Variants in ITGAM observed in about 807,000 individuals in gnomAD.
The protein encoded by ITGAM is integrin alpha-M.
A neutral mutation model predicts 137.5 loss-of-function variants in ITGAM; 79 were observed. The ratio of observed to expected loss-of-function variants is 0.57; its 90% CI spans 0.48 to 0.69. ITGAM has a LOEUF of 0.69. ITGAM is among the 30% of genes least tolerant of loss of function. The probability of loss-of-function intolerance (pLI) is 0.00; values close to 1 mark genes in which losing one functional copy is unlikely to be tolerated. For synonymous variants in ITGAM, 583 were observed against 592.3 expected, an observed-to-expected ratio of 0.98 and a Z score of 0.23; for missense variants, 1,343 against 1,483.5, an observed-to-expected ratio of 0.91 and a Z score of 1.56.
intron 7 of ITGAM, among the ~76,000 whole-genome samples, chr16:31,272,457 ATATATATTTT>A (rs2079859273): frequency 8.9e-5 from 1 of 11,244 alleles, no homozygotes; most frequent in East Asian, 1.4e-3. Context: ...ATATATATAT[ATATATATTTT>A]TTTTTTTTTT....
intron 2 of ITGAM, among the ~76,000 whole-genome samples, chr16:31,262,390 T>TCCTTCCTTCCTTCCTTCCTTCCTG (rs1567244025): frequency 3.5e-5 from 5 of 141,532 alleles, no homozygotes; most frequent in African/African-American, 1.4e-4. Flanking sequence ...CTTCCTTCCT[T>TCCTTCCTTCCTTCCTTCCTTCCTG]CCTTCCTTCC....
At chr16:31,262,320 TC>T (rs1363619253) in intron 2 of ITGAM, among the ~76,000 whole-genome samples, 16 of 132,864 alleles carry the variant, frequency 1.2e-4, no homozygotes, top group African/African-American at 4.3e-4. Context: ...CCTCCTTCCC[TC>T]CCTTCCCTCC....
chr16:31,283,597 G>C (rs565050980), intron 12 of ITGAM, among the ~76,000 whole-genome samples: 1 of 152,280 alleles, frequency 6.6e-6, no homozygotes, highest in African/African-American at 2.4e-5. Flanking sequence ...TCTCTATGCT[G>C]TTTATTCTAG....
chr16:31,265,693 G>C (rs2079757989), intron 3 of ITGAM, 118 bp from the exon 4 acceptor site: 1 of 881,874 alleles, frequency 1.1e-6, no homozygotes, highest in African/African-American at 1.7e-5. Flanking sequence ...CAAGATTTAG[G>C]ATCCCCCTTC....
At chr16:31,299,483 AT>A (rs1567266298) in intron 14 of ITGAM, among the ~76,000 whole-genome samples, 1 of 151,448 alleles carries the variant, frequency 6.6e-6, no homozygotes, top group African/African-American at 2.4e-5. Flanking sequence ...TAATTTTTGT[AT>A]TTTTTGTAGA....
In ITGAM at chr16:31,329,085, C is replaced by T; in HGVS notation, c.2793-143C>T. 6.6e-6 allele frequency: 4 copies of T among 604,872 alleles called. 1 individual carries two copies. In the East Asian group the frequency reaches 1.2e-4, roughly 18 times the overall value. The allele number at this position is 604,872 out of a possible 1,614,324, so 37.5% of individuals were successfully genotyped here. A position where few individuals can be genotyped will look rare whatever the true frequency, so the allele number is the denominator to read the frequency against. Reference sequence around the variant, plus strand: ...AGCACACATTGGTTCCCCCATCCCCCTGCACCCCACCCCATCTCCACCCCC... The same window carrying T: ...AGCACACATTGGTTCCCCCATCCCCTTGCACCCCACCCCATCTCCACCCCC... On this transcript the variant is annotated intron_variant, in intron 23 of 29. Transcript: ENST00000544665.
At position 31,270,128 on chromosome 16, in the gene ITGAM, TCC is replaced by T. The variant is rs1373081983; in HGVS notation, c.428-825_428-824del. Among the ~76,000 whole-genome samples the T allele has an allele frequency of 4.3e-4, 42 of 96,654 alleles. No homozygotes were observed. In the South Asian group the frequency reaches 0.013, roughly 31 times the overall value. 63.4% of individuals were successfully genotyped at this position (96,654 alleles called of 152,430 possible). A position where few individuals can be genotyped will look rare whatever the true frequency, so the allele number is the denominator to read the frequency against. ...ATCCTTCCTTCCTTCCTTCCTTCCT[TCC>T]TCCTTTGCTTTCCTTTCCTTTCCTT... is the stretch of plus-strand genomic sequence containing the variant. On this transcript the variant is annotated intron_variant, in intron 5 of 29. Transcript: ENST00000544665.
chr16:31,260,020 G>C lies in ITGAM; in HGVS notation c.-45G>C, dbSNP rs1261928766. ...TCCTTGTGGTTCCTCAGTGGTGCCT[G>C]CAACCCCTGGTTCACCTCCTTCCAG... is the stretch of plus-strand genomic sequence containing the variant. On this transcript the variant is annotated 5_prime_UTR_variant, in exon 1 of 30. Transcript: ENST00000544665. The C allele has an allele frequency of 6.9e-7, 1 of 1,451,584 alleles. No homozygotes were observed. The allele number at this position is 1,451,584 out of a possible 1,614,324, so 89.9% of individuals were successfully genotyped here.
At chr16:31,328,256 A>G in intron 23 of ITGAM, 26 bp downstream of exon 23, 1 of 1,568,284 alleles carries the variant, frequency 6.4e-7, no homozygotes, top group South Asian at 1.1e-5. Flanking sequence ...ACTTTAGCTG[A>G]GCCTCCACTT....
chr16:31,320,313 C>G (rs2080435881), intron 14 of ITGAM, among the ~76,000 whole-genome samples: 1 of 152,160 alleles, frequency 6.6e-6, no homozygotes, highest in African/African-American at 2.4e-5. Context: ...TATCCAGTAA[C>G]ATAATTTTAG....
intron 13 of ITGAM, 26 bp downstream of exon 13, chr16:31,297,680 G>C (rs1248663144): frequency 6.2e-7 from 1 of 1,606,610 alleles, no homozygotes; most frequent in East Asian, 2.2e-5. Context: ...ACCTGGGCTG[G>C]GTGGGGCCCG....
intron 14 of ITGAM, among the ~76,000 whole-genome samples, chr16:31,302,951 TC>T (rs2080227328): frequency 7.7e-6 from 1 of 130,208 alleles, no homozygotes; most frequent in Non-Finnish European, 1.6e-5. Flanking sequence ...TTTCTTTCTT[TC>T]TTTCTTTCTT....
At chr16:31,289,907 C>A (rs1307024260) in intron 12 of ITGAM, among the ~76,000 whole-genome samples, 7 of 151,742 alleles carry the variant, frequency 4.6e-5, no homozygotes, top group Non-Finnish European at 1.0e-4. Context: ...CATGGAGAAA[C>A]CCTGTCGTTA....
In ITGAM at chr16:31,331,841, G is replaced by A. The variant is rs1174487878; in HGVS notation, c.*134G>A. 1.5e-6 allele frequency: 1 copy of A among 664,118 alleles called. No homozygotes were observed. Among genetic ancestry groups the A allele is most frequent in the East Asian group, 2.8e-5 (1 of 35,622 alleles). 41.1% of individuals were successfully genotyped at this position (664,118 alleles called of 1,614,324 possible). ...GACGGGCTTGGGCTTCCATTTGTGT[G>A]TGTGCAAGTGTGTATGTGCGTGTGT... is the stretch of plus-strand genomic sequence containing the variant. On this transcript the variant is annotated 3_prime_UTR_variant, in exon 30 of 30. Coordinates refer to ENST00000544665, the MANE Select transcript of ITGAM (RefSeq NM_000632.4).
In ITGAM at chr16:31,324,424, T is replaced by C. The variant is rs1597037342; in HGVS notation, c.2028T>C (p.Tyr676=). The part of the protein sequence containing the change: ...REGQIQSVVT[Y]DLALDSGRPH... ...GACAGATCCAGAGTGTTGTGACTTA[T>C]GACCTGGCTCTGGACTCCGGCCGCC... Residue 676 remains tyrosine (Y), a synonymous_variant, in exon 17 of 30, where the codon TAT becomes TAC. Transcript: ENST00000544665. This position sits in a 1 kb window ranked among gnomAD's most constrained non-coding sequence, Gnocchi z 4.5. 3.2e-6 allele frequency: 5 copies of C among 1,552,676 alleles called. No homozygotes were observed. Among genetic ancestry groups the C allele is most frequent in the Admixed American group, 2.0e-5 (1 of 51,030 alleles).
chr16:31,272,942 C>T (rs572483518), intron 7 of ITGAM, among the ~76,000 whole-genome samples: 7 of 152,162 alleles, frequency 4.6e-5, no homozygotes, highest in Admixed American at 1.3e-4. Context: ...GACGGAGCCC[C>T]TCCGAGACCT....
rs764802786 is a variant in ITGAM at position 31,326,984 on chromosome 16, C to T, written c.2708+49C>T. 4 of 1,378,342 alleles carry T rather than the reference C, an allele frequency of 2.9e-6. No individual in the cohort carries two copies. In the Middle Eastern group the frequency reaches 5.3e-4, roughly 183 times the overall value. The allele number at this position is 1,378,342 out of a possible 1,614,324, so 85.4% of individuals were successfully genotyped here. A position where few individuals can be genotyped will look rare whatever the true frequency, so the allele number is the denominator to read the frequency against. On this transcript the variant is annotated intron_variant, in intron 22 of 29. Coordinates refer to ENST00000544665, the MANE Select transcript of ITGAM (RefSeq NM_000632.4). ...GCAGGCAGTTGCCCGTCTGACGCCC[C>T]AGCCCCTGGCCCATGGTGGGCCTTT...
At chr16:31,326,987 C>CCCCT in intron 22 of ITGAM, 52 bp downstream of exon 22, 1 of 1,366,114 alleles carries the variant, frequency 7.3e-7, no homozygotes, top group Non-Finnish European at 1.0e-6. Context: ...GACGCCCCAG[C>CCCCT]CCCTGGCCCA....
At chr16:31,318,516 G>A (rs758334827) in intron 14 of ITGAM, among the ~76,000 whole-genome samples, 6 of 151,758 alleles carry the variant, frequency 4.0e-5, no homozygotes, top group Non-Finnish European at 8.8e-5. Context: ...GCTGATTTTC[G>A]TATTTTTAGT....
Sources: gnomAD v4.1 joint callset for allele counts (sites outside exome capture counted in the v4.1 genomes callset) on GRCh38, gnomAD v4.1.1 for gene constraint, Gnocchi (gnomAD v3.1) non-coding constraint, MANE v1.5 for transcripts, NCBI Gene and HGNC (gene_info 2026-07-23, HGNC 2026-07-21) for gene names.